The following CNTNAP2 variants were observed in gnomAD, a reference collection of about 807,000 sequenced individuals.
CNTNAP2 encodes contactin associated protein 2.
Under a neutral mutation model 155.2 loss-of-function variants are expected in CNTNAP2, and 98 were observed. The ratio of observed to expected loss-of-function variants is 0.63; its 90% CI spans 0.54 to 0.75. The LOEUF (loss-of-function observed/expected upper bound fraction) is 0.75, where lower values mean the gene tolerates loss of function less well. Among genes scored for constraint, CNTNAP2 ranks in the 30% least tolerant of loss-of-function variants. The probability of loss-of-function intolerance (pLI) is 0.00; values close to 1 mark genes in which losing one functional copy is unlikely to be tolerated. For missense variants in CNTNAP2, 1,727 were observed against 1,688.1 expected, an observed-to-expected ratio of 1.02 and a Z score of -0.40; for synonymous variants, 651 against 631.2, an observed-to-expected ratio of 1.03 and a Z score of -0.47.
chr7:148,411,369 G>A (rs1260443364), intron 23 of CNTNAP2, among the ~76,000 whole-genome samples: 6 of 152,192 alleles, frequency 3.9e-5, no homozygotes, highest in Non-Finnish European at 5.9e-5. Flanking sequence ...GGGTTCAAGC[G>A]ATTCTCCTGC....
At chr7:146,736,060 TAAAA>T (rs374509674) in intron 1 of CNTNAP2, among the ~76,000 whole-genome samples, 1 of 151,952 alleles carries the variant, frequency 6.6e-6, no homozygotes, top group Non-Finnish European at 1.5e-5. Context: ...CAAGCCAAAA[TAAAA>T]AAACCACACA....
intron 13 of CNTNAP2, among the ~76,000 whole-genome samples, chr7:147,837,490 T>C (rs1054184891): frequency 1.2e-4 from 18 of 152,056 alleles, no homozygotes; most frequent in African/African-American, 4.3e-4. Flanking sequence ...CCCAAATCTC[T>C]TGTCCTCTCA....
At chr7:147,070,803 G>A (rs1268067644) in intron 4 of CNTNAP2, among the ~76,000 whole-genome samples, 1 of 152,084 alleles carries the variant, frequency 6.6e-6, no homozygotes, top group African/African-American at 2.4e-5. Context: ...CATATTGTTG[G>A]CTGGAAGGTT....
At chr7:146,443,363 C>T (rs577016100) in intron 1 of CNTNAP2, among the ~76,000 whole-genome samples, 32 of 152,016 alleles carry the variant, frequency 2.1e-4, no homozygotes, top group Non-Finnish European at 4.6e-4. Context: ...ATTGCATAAT[C>T]GTATTTAGAA....
At chr7:147,638,486 T>C (rs141589857) in intron 12 of CNTNAP2, among the ~76,000 whole-genome samples, 2 of 152,370 alleles carry the variant, frequency 1.3e-5, no homozygotes, top group East Asian at 3.8e-4. Flanking sequence ...ATCTATTTTA[T>C]ATCTGCTTCT....
At chr7:148,295,919 C>T in intron 21 of CNTNAP2, among the ~76,000 whole-genome samples, 1 of 152,164 alleles carries the variant, frequency 6.6e-6, no homozygotes, top group Non-Finnish European at 1.5e-5. Context: ...GGTCTTCCCT[C>T]TGCAAGAAGA....
intron 8 of CNTNAP2, among the ~76,000 whole-genome samples, chr7:147,153,828 A>T: frequency 6.6e-6 from 1 of 152,176 alleles, no homozygotes. Flanking sequence ...GCTAAAAGGT[A>T]GATTTTCAAA....
chr7:146,935,007 T>A (rs138720311), intron 3 of CNTNAP2, among the ~76,000 whole-genome samples: 111 of 152,344 alleles, frequency 7.3e-4, no homozygotes, highest in African/African-American at 2.5e-3. Flanking sequence ...GATGAAACCT[T>A]TAAGAAACTT....
At chr7:147,037,428 C>G (rs539310049) in intron 3 of CNTNAP2, among the ~76,000 whole-genome samples, 1 of 144,492 alleles carries the variant, frequency 6.9e-6, no homozygotes, top group Admixed American at 6.9e-5. Flanking sequence ...ACTAGGTATT[C>G]GACATCCAGT....
intron 8 of CNTNAP2, among the ~76,000 whole-genome samples, chr7:147,248,155 G>T (rs777844244): frequency 2.6e-5 from 4 of 152,270 alleles, no homozygotes; most frequent in Admixed American, 2.6e-4. Context: ...TTCCGAAAAG[G>T]TTATAGGATT....
At chr7:147,888,838 C>T (rs1799640890) in intron 13 of CNTNAP2, among the ~76,000 whole-genome samples, 1 of 150,740 alleles carries the variant, frequency 6.6e-6, no homozygotes, top group South Asian at 2.1e-4. Context: ...TACCCTCTGA[C>T]CCTAGAGAAA....
At chr7:147,562,786 TC>T (rs1362423322) in intron 12 of CNTNAP2, among the ~76,000 whole-genome samples, 57 of 152,344 alleles carry the variant, frequency 3.7e-4, no homozygotes, top group African/African-American at 1.2e-3. Flanking sequence ...TTTCTCCACT[TC>T]CATGTGAAAT....
At chr7:146,930,107 C>G (rs897219371) in intron 3 of CNTNAP2, among the ~76,000 whole-genome samples, 1 of 151,874 alleles carries the variant, frequency 6.6e-6, no homozygotes, top group Non-Finnish European at 1.5e-5. Flanking sequence ...AGATACTCCT[C>G]GAGAAGAGCA....
At chr7:147,303,379 T>A (rs1794977478) in intron 9 of CNTNAP2, among the ~76,000 whole-genome samples, 1 of 152,206 alleles carries the variant, frequency 6.6e-6, no homozygotes, top group Non-Finnish European at 1.5e-5. Flanking sequence ...AGTCACCCCC[T>A]CTGGTGTGGG....
At chr7:146,606,786 C>T (rs925324800) in intron 1 of CNTNAP2, among the ~76,000 whole-genome samples, 5 of 152,142 alleles carry the variant, frequency 3.3e-5, no homozygotes, top group African/African-American at 1.2e-4. Context: ...CAACATTGTT[C>T]ACTCCATTTT....
chr7:147,268,890 C>G (rs942067727), intron 8 of CNTNAP2, among the ~76,000 whole-genome samples: 11 of 152,064 alleles, frequency 7.2e-5, no homozygotes, highest in Admixed American at 5.2e-4. Context: ...AAGCTTTATA[C>G]AAATTGGAGG....
intron 14 of CNTNAP2, among the ~76,000 whole-genome samples, chr7:147,946,815 G>A (rs77543940): frequency 6.6e-6 from 1 of 152,086 alleles, no homozygotes; most frequent in Non-Finnish European, 1.5e-5. Flanking sequence ...ACCCTCTAAA[G>A]GTTAGCTGAA....
intron 9 of CNTNAP2, among the ~76,000 whole-genome samples, chr7:147,373,749 T>C (rs1397573598): frequency 2.0e-5 from 3 of 152,060 alleles, no homozygotes; most frequent in African/African-American, 7.2e-5. Flanking sequence ...GGGAGAACTT[T>C]AGTTTATTAT....
chr7:148,173,073 T>C (rs1427534706), intron 18 of CNTNAP2, among the ~76,000 whole-genome samples: 2 of 152,232 alleles, frequency 1.3e-5, no homozygotes, highest in African/African-American at 4.8e-5. Flanking sequence ...GCTTAGAGCA[T>C]CTGTTATTAC....
Sources: allele counts gnomAD v4.1 joint callset (sites outside exome capture counted in the v4.1 genomes callset), GRCh38; gene constraint gnomAD v4.1.1; transcripts MANE v1.5; gene names NCBI Gene and HGNC (gene_info 2026-07-23, HGNC 2026-07-21).